Variants in GPATCH8 observed in about 807,000 individuals in gnomAD.
GPATCH8 encodes G patch domain-containing protein 8.
In GPATCH8, 18 loss-of-function variants were observed where a neutral mutation model predicts 118.3. The ratio of observed to expected loss-of-function variants is 0.15; its 90% confidence interval spans 0.11 to 0.23. The LOEUF (loss-of-function observed/expected upper bound fraction) is 0.23. Among genes scored for constraint, GPATCH8 ranks in the 10% least tolerant of loss-of-function variants. GPATCH8 has a pLI of 1.00. For missense variants in GPATCH8, 1,631 were observed against 1,873.8 expected, an observed-to-expected ratio of 0.87 and a Z score of 2.39; for synonymous variants, 659 against 684.7, an observed-to-expected ratio of 0.96 and a Z score of 0.59.
At chr17:44,462,495 T>C (rs1479593913) in intron 3 of GPATCH8, among the ~76,000 whole-genome samples, 1 of 152,222 alleles carries the variant, frequency 6.6e-6, no homozygotes, top group Non-Finnish European at 1.5e-5. Context: ...GAGTATTCTT[T>C]GTATTGTTTG....
rs1392775456 is a variant in GPATCH8 at position 44,452,262 on chromosome 17, C to T, written c.193+12210G>A. ...CACTCCAGCCTGGGTGACAGAGCAA[C>T]ACTCCGTCTCAAAAAAAAAAAAAAA... On this transcript the variant is annotated intron_variant, in intron 3 of 7. Transcript: ENST00000591680. 1.7e-3 allele frequency among the ~76,000 whole-genome samples: 201 copies of T among 116,844 alleles called. 1 individual carries two copies. Among genetic ancestry groups the T allele is most frequent in the African/African-American group, 6.8e-3 (195 of 28,882 alleles). 76.7% of individuals were successfully genotyped at this position (116,844 alleles called of 152,430 possible).
At position 44,400,917 on chromosome 17, in the gene GPATCH8, C is replaced by G; in HGVS notation, c.1160G>C (p.Gly387Ala). ...GTGGTAATACTCAGGCTCTGTAGCC[C>G]CAGCTCCTTCTTCTCGTTTCATCCT... ...LKRMKREEGA[G>A]ATEPEYYHYI... is the part of the protein sequence containing the mutation. The change falls in exon 8 of 8, where the codon GGG becomes GCG. Residue 387 changes from glycine (G) to alanine (A), a missense_variant. Coordinates refer to ENST00000591680, the MANE Select transcript of GPATCH8 (RefSeq NM_001002909.4). The G allele has an allele frequency of 6.2e-7, 1 of 1,614,056 alleles. No homozygotes were observed. The highest frequency in any genetic ancestry group is 8.5e-7 in the Non-Finnish European group (1 of 1,180,004).
chr17:44,414,161 A>ATATATATATGTGTG (rs2049588282), intron 6 of GPATCH8, among the ~76,000 whole-genome samples: 6 of 145,796 alleles, frequency 4.1e-5, no homozygotes, highest in East Asian at 2.0e-4. Context: ...ATATATGTGT[A>ATATATATATGTGTG]TATATATATA....
At chr17:44,424,639 A>C (rs1420810471) in intron 5 of GPATCH8, 147 bp from the exon 6 acceptor site, 3 of 676,386 alleles carry the variant, frequency 4.4e-6, no homozygotes, top group African/African-American at 3.6e-5. Context: ...ATGAAACACA[A>C]GTGGTACTTT....
At chr17:44,484,500 C>T (rs369285730) in intron 1 of GPATCH8, among the ~76,000 whole-genome samples, 6 of 152,122 alleles carry the variant, frequency 3.9e-5, no homozygotes, top group African/African-American at 9.7e-5. Flanking sequence ...ACAAAAAACA[C>T]GGGCAAACCA....
chr17:44,452,375 G>A (rs193021365), intron 3 of GPATCH8, among the ~76,000 whole-genome samples: 43 of 150,272 alleles, frequency 2.9e-4, no homozygotes, highest in Non-Finnish European at 5.0e-4. Context: ...CTACCTCAAA[G>A]AGGATTTAAG....
intron 7 of GPATCH8, among the ~76,000 whole-genome samples, chr17:44,403,207 C>A (rs568346434): frequency 6.6e-6 from 1 of 152,244 alleles, no homozygotes; most frequent in Admixed American, 6.5e-5. Context: ...TCCCAAGTAG[C>A]TGGGACTACA....
intron 1 of GPATCH8, among the ~76,000 whole-genome samples, chr17:44,492,190 A>G (rs540301596): frequency 2.7e-5 from 4 of 149,182 alleles, no homozygotes; most frequent in Non-Finnish European, 6.0e-5. Flanking sequence ...AGTCCCAGCT[A>G]CTCGGGAGGC....
At chr17:44,414,266 T>C (rs1186364425) in intron 6 of GPATCH8, among the ~76,000 whole-genome samples, 7 of 151,754 alleles carry the variant, frequency 4.6e-5, no homozygotes, top group Non-Finnish European at 8.8e-5. Context: ...AATGAGGTTT[T>C]AAAAATGACT....
At chr17:44,474,654 T>C (rs188029251) in intron 2 of GPATCH8, 175 bp downstream of exon 2, 2 of 688,318 alleles carry the variant, frequency 2.9e-6, no homozygotes. Context: ...TTTCCCAACA[T>C]ATTAAATATT....
chr17:44,497,925 C>T (rs1179183917), intron 1 of GPATCH8, among the ~76,000 whole-genome samples: 1 of 151,572 alleles, frequency 6.6e-6, no homozygotes, highest in African/African-American at 2.4e-5. Flanking sequence ...GACAAAAGAG[C>T]CAGACACTGT....
chr17:44,486,485 A>T (rs1968792040), intron 1 of GPATCH8: 1 of 152,226 alleles, frequency 6.6e-6, no homozygotes, highest in African/African-American at 2.4e-5. Flanking sequence ...ACTTAAAAAA[A>T]ATTTTTTTTA....
chr17:44,464,793 AT>A, intron 2 of GPATCH8: 1 of 476,650 alleles, frequency 2.1e-6, no homozygotes. Flanking sequence ...CAACTTTTGT[AT>A]ATAACATTTT....
Position 44,395,900 on chromosome 17 carries a change from A to G in GPATCH8, c.*1668T>C, listed in dbSNP as rs899112577. The G allele has an allele frequency of 4.4e-6, 2 of 454,086 alleles. No homozygotes were observed. Among genetic ancestry groups the G allele is most frequent in the African/African-American group, 2.0e-5 (1 of 49,988 alleles). 28.1% of individuals were successfully genotyped at this position (454,086 alleles called of 1,614,324 possible). On this transcript the variant is annotated 3_prime_UTR_variant, in exon 8 of 8. Transcript: ENST00000591680. Reference sequence around the variant, plus strand: ...GCACCTTTGGGTCAGTGTGTTAATTAGGGCTGAGAGCCTGGGTGAAAGGCA... The same window carrying G: ...GCACCTTTGGGTCAGTGTGTTAATTGGGGCTGAGAGCCTGGGTGAAAGGCA...
intron 3 of GPATCH8, 103 bp downstream of exon 3, chr17:44,464,369 G>C (rs890933854): frequency 1.2e-6 from 1 of 802,410 alleles, no homozygotes; most frequent in African/African-American, 1.7e-5. Context: ...GTAGTAGGGA[G>C]AAACCCAAGT....
At chr17:44,431,278 G>A (rs926256778) in intron 5 of GPATCH8, among the ~76,000 whole-genome samples, 10 of 151,168 alleles carry the variant, frequency 6.6e-5, no homozygotes, top group African/African-American at 2.4e-4. Context: ...GGAGGCTGGG[G>A]CAGGAGAATT....
intron 1 of GPATCH8, among the ~76,000 whole-genome samples, chr17:44,494,517 G>T (rs149305442): frequency 5.3e-5 from 8 of 152,178 alleles, no homozygotes; most frequent in Non-Finnish European, 1.2e-4. Flanking sequence ...ATTTGAACCC[G>T]CGAGGCAGAG....
intron 6 of GPATCH8, among the ~76,000 whole-genome samples, chr17:44,418,481 G>C (rs1262694709): frequency 6.8e-6 from 1 of 147,410 alleles, no homozygotes; most frequent in African/African-American, 2.5e-5. Context: ...TTGAGATGGA[G>C]TCTTGCTCTG....
At chr17:44,408,463 A>C (rs2049314168) in intron 6 of GPATCH8, among the ~76,000 whole-genome samples, 1 of 152,204 alleles carries the variant, frequency 6.6e-6, no homozygotes. Flanking sequence ...ATGGGATTAC[A>C]GGCATAAGCC....
Sources: gnomAD v4.1 joint callset for allele counts (sites outside exome capture counted in the v4.1 genomes callset) on GRCh38, gnomAD v4.1.1 for gene constraint, MANE v1.5 for transcripts, NCBI Gene and HGNC (gene_info 2026-07-23, HGNC 2026-07-21) for gene names.